CSTL1: variants seen among roughly 807,000 people sequenced by gnomAD.
CSTL1 encodes the protein cystatin like 1, also known as cystatin-like 1.
Under a neutral mutation model 14.4 loss-of-function variants are expected in CSTL1, and 14 were observed. The observed-to-expected ratio is 0.97, with a 90% CI of 0.64 to 1.52. CSTL1 has a LOEUF of 1.52. Ranked by LOEUF, CSTL1 falls within the 40% of genes most tolerant of loss-of-function variation. The pLI, the probability that CSTL1 is intolerant of heterozygous loss-of-function variation, is 0.00. For missense variants in CSTL1, 170 were observed against 168.7 expected, an observed-to-expected ratio of 1.01 and a Z score of -0.04; for synonymous variants, 72 against 67.5, an observed-to-expected ratio of 1.07 and a Z score of -0.33.
At chr20:23,449,880 C>A (rs1297166121), downstream of CSTL1, among the ~76,000 whole-genome samples, 1 of 152,144 alleles carries the variant, frequency 6.6e-6, no homozygotes, top group Non-Finnish European at 1.5e-5. Flanking sequence ...TATAGACAGA[C>A]CTGGTTTGGT....
At chr20:23,455,727 A>G in the CSTL1 span, among the ~76,000 whole-genome samples, 1 of 152,208 alleles carries the variant, frequency 6.6e-6, no homozygotes, top group South Asian at 2.1e-4. Flanking sequence ...AGAGGGCGGC[A>G]CCAAAGAAGC....
At chr20:23,451,357 G>A in the CSTL1 span, among the ~76,000 whole-genome samples, 2 of 152,138 alleles carry the variant, frequency 1.3e-5, no homozygotes, top group African/African-American at 4.8e-5. Context: ...TCACCCACCA[G>A]TCAAATCATT....
In CSTL1 at chr20:23,440,284, G is replaced by A. The variant is rs1986794937; in HGVS notation, c.17G>A (p.Trp6Ter). ...GCTGTAGACATGGGGATCGGATGCTGGAGAAACCCCCTGCTGCTGCTGATT... is the reference window on the plus strand; with the variant it reads ...GCTGTAGACATGGGGATCGGATGCTAGAGAAACCCCCTGCTGCTGCTGATT... MGIGC[W>*]RNPLLLLIAL... is the part of the protein sequence containing the mutation. The change falls in exon 2 of 4, where the codon TGG becomes TAG. Residue 6 changes from tryptophan (W) to a stop codon, truncating the protein, a stop_gained. Transcript: ENST00000347397. LOFTEE classifies it high-confidence loss of function. 1 of 1,614,014 alleles carries A rather than the reference G, an allele frequency of 6.2e-7. No individual in the cohort carries two copies. Among genetic ancestry groups the A allele is most frequent in the Admixed American group, 1.7e-5 (1 of 60,004 alleles).
chr20:23,451,255 G>T, the CSTL1 span, among the ~76,000 whole-genome samples: 1 of 151,790 alleles, frequency 6.6e-6, no homozygotes, highest in Non-Finnish European at 1.5e-5. Flanking sequence ...AGTGCCAGGT[G>T]GGATGAAGGC....
At chr20:23,460,173 C>A in the CSTL1 span, among the ~76,000 whole-genome samples, 27 of 152,328 alleles carry the variant, frequency 1.8e-4, no homozygotes, top group African/African-American at 6.3e-4. Context: ...TCCTGCTTCA[C>A]AGCTCAGAAG....
chr20:23,451,740 C>A, the CSTL1 span: 1 of 1,059,024 alleles, frequency 9.4e-7, no homozygotes, highest in Non-Finnish European at 1.4e-6. Context: ...TTAATTCTTC[C>A]CAACTCATTC....
At chr20:23,458,438 C>T in the CSTL1 span, 1 of 152,224 alleles carries the variant, frequency 6.6e-6, no homozygotes, top group East Asian at 1.9e-4. Context: ...AATGAATGTT[C>T]CTGCCCTGCT....
chr20:23,445,291 G>A (rs1368910477), downstream of CSTL1, among the ~76,000 whole-genome samples: 1 of 150,154 alleles, frequency 6.7e-6, no homozygotes, highest in Non-Finnish European at 1.5e-5. Flanking sequence ...GAGAGAAGTG[G>A]CGCAATCACT....
chr20:23,445,456 C>T (rs187719358), downstream of CSTL1, among the ~76,000 whole-genome samples: 31 of 152,136 alleles, frequency 2.0e-4, no homozygotes, highest in East Asian at 5.6e-3. Flanking sequence ...ACAATATCTC[C>T]CTTTCTTGCC....
intron 2 of CSTL1, chr20:23,442,519 C>T (rs1430285357): frequency 6.6e-6 from 1 of 152,266 alleles, no homozygotes; most frequent in Non-Finnish European, 1.5e-5. Context: ...ACTTTGCACA[C>T]TGGAATGTCA....
chr20:23,439,895 TC>T, intron 1 of CSTL1, 89 bp downstream of exon 1: 1 of 261,038 alleles, frequency 3.8e-6, no homozygotes. Context: ...CCGCCTCCCT[TC>T]CTGTAAGTGA....
chr20:23,441,122 A>G (rs1986822554), intron 2 of CSTL1, among the ~76,000 whole-genome samples: 2 of 152,322 alleles, frequency 1.3e-5, no homozygotes. Flanking sequence ...GAGTGACAGC[A>G]AGGATAATTT....
chr20:23,442,213 C>T (rs1408424808), intron 2 of CSTL1: 1 of 152,324 alleles, frequency 6.6e-6, no homozygotes, highest in Admixed American at 6.5e-5. Flanking sequence ...CTCTGGGCAC[C>T]CCCACACCCA....
At chr20:23,454,773 C>T in the CSTL1 span, among the ~76,000 whole-genome samples, 1 of 152,208 alleles carries the variant, frequency 6.6e-6, no homozygotes, top group Non-Finnish European at 1.5e-5. Context: ...TATCAATGCT[C>T]TTTTCATTGG....
the CSTL1 span, among the ~76,000 whole-genome samples, chr20:23,450,235 A>G: frequency 3.9e-5 from 6 of 152,202 alleles, no homozygotes; most frequent in Non-Finnish European, 7.3e-5. Flanking sequence ...TGATATGAGA[A>G]TGAAATTGAA....
At chr20:23,440,094 G>C in intron 1 of CSTL1, 50 bp from the exon 2 acceptor site, 1 of 664,056 alleles carries the variant, frequency 1.5e-6, no homozygotes, top group Non-Finnish European at 2.6e-6. Flanking sequence ...AAATGAACTG[G>C]CTGGAAACTG....
chr20:23,451,813 T>C, the CSTL1 span: 2 of 1,611,358 alleles, frequency 1.2e-6, no homozygotes, highest in Admixed American at 1.7e-5. Context: ...TTTTACCCAA[T>C]ACCTTGTGAA....
intron 2 of CSTL1, among the ~76,000 whole-genome samples, chr20:23,441,672 A>C (rs930767654): frequency 2.0e-5 from 3 of 152,272 alleles, no homozygotes; most frequent in African/African-American, 7.2e-5. Context: ...GAATAATTAC[A>C]AGAAAAAATG....
At chr20:23,452,879 C>T in the CSTL1 span, 4 of 1,237,826 alleles carry the variant, frequency 3.2e-6, no homozygotes, top group Non-Finnish European at 4.6e-6. Context: ...ATCACACTGA[C>T]CCTACCTGCC....
Sources: gnomAD v4.1 joint callset for allele counts (sites outside exome capture counted in the v4.1 genomes callset) on GRCh38, gnomAD v4.1.1 for gene constraint, MANE v1.5 for transcripts, NCBI Gene and HGNC (gene_info 2026-07-23, HGNC 2026-07-21) for gene names.